The following STK32C variants were observed in gnomAD, a reference collection of about 807,000 sequenced individuals.
STK32C encodes serine/threonine-protein kinase 32C.
In STK32C, 31 loss-of-function variants were observed where a neutral mutation model predicts 56.5. The observed-to-expected ratio is 0.55, with a 90% CI of 0.41 to 0.74. The LOEUF is 0.74. Among genes scored for constraint, STK32C ranks in the 30% least tolerant of loss-of-function variants. STK32C has a pLI of 0.00. For missense variants in STK32C, 544 were observed against 676.9 expected, an observed-to-expected ratio of 0.80 and a Z score of 2.18; for synonymous variants, 309 against 289.4, an observed-to-expected ratio of 1.07 and a Z score of -0.69.
intron 1 of STK32C, among the ~76,000 whole-genome samples, chr10:132,318,698 C>T (rs2066351780): frequency 6.6e-6 from 1 of 151,740 alleles, no homozygotes; most frequent in Non-Finnish European, 1.5e-5. Flanking sequence ...ATGGCTGATA[C>T]ACATGTAAAA....
intron 1 of STK32C, chr10:132,330,165 G>A (rs2066617616): frequency 1.2e-5 from 5 of 403,782 alleles, no homozygotes; most frequent in South Asian, 2.7e-5. Flanking sequence ...CAAAAACTGA[G>A]CACAGTAAAG....
At chr10:132,235,223 C>T (rs563777119) in intron 2 of STK32C, among the ~76,000 whole-genome samples, 32 of 152,198 alleles carry the variant, frequency 2.1e-4, no homozygotes, top group African/African-American at 6.3e-4. Flanking sequence ...TCAGGCCAGG[C>T]GCTGTGGCTC....
At chr10:132,272,980 T>C (rs1273528741) in intron 1 of STK32C, among the ~76,000 whole-genome samples, 2 of 152,174 alleles carry the variant, frequency 1.3e-5, no homozygotes, top group Non-Finnish European at 2.9e-5. Flanking sequence ...CGGAGCCCTC[T>C]TCCCCAGAGC....
chr10:132,227,573 T>G (rs988981104), intron 3 of STK32C, among the ~76,000 whole-genome samples: 1 of 151,030 alleles, frequency 6.6e-6, no homozygotes, highest in Non-Finnish European at 1.5e-5. Flanking sequence ...GTGATGAGAG[T>G]GATGATGGTT....
chr10:132,246,127 T>C (rs1390336653), intron 1 of STK32C, among the ~76,000 whole-genome samples, 172 bp from the exon 2 acceptor site: 1 of 152,202 alleles, frequency 6.6e-6, no homozygotes, highest in African/African-American at 2.4e-5. Flanking sequence ...AGGAGGGGGC[T>C]GAGCCCCGGT....
At chr10:132,257,971 G>A (rs1012367135) in intron 1 of STK32C, among the ~76,000 whole-genome samples, 1 of 152,212 alleles carries the variant, frequency 6.6e-6, no homozygotes, top group African/African-American at 2.4e-5. Context: ...GCTCTCCTCA[G>A]TGCACGGACT....
chr10:132,324,357 G>A (rs2066459441), exon 2 of STK32C: 2 of 778,824 alleles, frequency 2.6e-6, no homozygotes, highest in African/African-American at 1.7e-5. Context: ...CAGTCCTGGG[G>A]TGTGCTCTCA....
chr10:132,309,864 A>C (rs1004919163), upstream of STK32C, among the ~76,000 whole-genome samples: 2 of 152,216 alleles, frequency 1.3e-5, no homozygotes, highest in Non-Finnish European at 2.9e-5. Context: ...AAAAGGAATA[A>C]AAGATATAAC....
intron 10 of STK32C, among the ~76,000 whole-genome samples, chr10:132,218,993 C>T (rs770486933): frequency 6.6e-6 from 1 of 152,186 alleles, no homozygotes; most frequent in African/African-American, 2.4e-5. Context: ...ACGCCCACAA[C>T]AGGCAACCCT....
At chr10:132,225,688 CCT>C (rs2062862820) in intron 5 of STK32C, 57 bp downstream of exon 5, 9 of 1,611,716 alleles carry the variant, frequency 5.6e-6, no homozygotes, top group Non-Finnish European at 6.8e-6. Flanking sequence ...ATCCTCCTCC[CCT>C]GACAGGCCCA....
intron 1 of STK32C, among the ~76,000 whole-genome samples, chr10:132,265,002 C>T (rs1157800011): frequency 1.3e-5 from 2 of 152,212 alleles, no homozygotes; most frequent in Non-Finnish European, 2.9e-5. Flanking sequence ...AGGACAGCCA[C>T]ACATCTTCCT....
At chr10:132,281,895 TG>T (rs1200831049) in intron 1 of STK32C, among the ~76,000 whole-genome samples, 2 of 145,484 alleles carry the variant, frequency 1.4e-5, no homozygotes, top group Non-Finnish European at 1.5e-5. Context: ...ACCAGGATGG[TG>T]GGGTCTGGGG....
intron 1 of STK32C, among the ~76,000 whole-genome samples, chr10:132,288,628 TAAA>T (rs1044590673): frequency 1.3e-5 from 2 of 152,212 alleles, no homozygotes; most frequent in Non-Finnish European, 1.5e-5. Flanking sequence ...TAGACTTCAA[TAAA>T]ACTGATATTA....
chr10:132,209,026 A>G lies in STK32C; in HGVS notation c.1319+8T>C, dbSNP rs772978028. 6.2e-7 allele frequency: 1 copy of G among 1,611,220 alleles called. No individual in the cohort carries two copies. The highest frequency in any genetic ancestry group is 8.5e-7 in the Non-Finnish European group (1 of 1,177,940). ...GCCACCACGCCCACCCACCCCCAAC[A>G]CACTCACTTTTCTCTGTTAAAAATC... On this transcript the variant is annotated splice_region_variant and intron_variant, in intron 11 of 11. Coordinates refer to ENST00000298630, the MANE Select transcript of STK32C (RefSeq NM_173575.4).
intron 1 of STK32C, among the ~76,000 whole-genome samples, chr10:132,268,812 GGT>G (rs1287321303): frequency 9.9e-5 from 10 of 101,438 alleles, no homozygotes; most frequent in South Asian, 3.7e-4. Context: ...TGTGTGTGTC[GGT>G]GTGTGTGCAT....
At chr10:132,243,241 G>A (rs1565100705) in intron 2 of STK32C, among the ~76,000 whole-genome samples, 1 of 152,232 alleles carries the variant, frequency 6.6e-6, no homozygotes, top group Admixed American at 6.5e-5. Context: ...CCCAAGGCTG[G>A]AATGCGATGT....
At chr10:132,327,913 G>C (rs1225136958) in intron 1 of STK32C, among the ~76,000 whole-genome samples, 4 of 152,178 alleles carry the variant, frequency 2.6e-5, no homozygotes, top group African/African-American at 9.7e-5. Flanking sequence ...AAGAGGGAAA[G>C]GTGCTTGGGA....
At chr10:132,321,193 T>C (rs147319786), downstream of STK32C, among the ~76,000 whole-genome samples, 3 of 152,286 alleles carry the variant, frequency 2.0e-5, no homozygotes, top group East Asian at 5.8e-4. Context: ...TGCATGTTCA[T>C]GGGAGGCACA....
chr10:132,305,786 A>T (rs2066040734), intron 1 of STK32C, among the ~76,000 whole-genome samples: 1 of 152,192 alleles, frequency 6.6e-6, no homozygotes, highest in Non-Finnish European at 1.5e-5. Flanking sequence ...GGAAGCGGTC[A>T]CCGCCCAGAG....
Sources: allele counts gnomAD v4.1 joint callset (sites outside exome capture counted in the v4.1 genomes callset), GRCh38; gene constraint gnomAD v4.1.1; transcripts MANE v1.5; gene names NCBI Gene and HGNC (gene_info 2026-07-23, HGNC 2026-07-21).